Variants in GNA14 observed in about 807,000 individuals in gnomAD.
GNA14 encodes the protein G protein subunit alpha 14.
In GNA14, 50 loss-of-function variants were observed where a neutral mutation model predicts 42.0. The observed-to-expected ratio is 1.19, with a 90% CI of 0.95 to 1.51. GNA14 has a LOEUF of 1.51. Ranked by LOEUF, GNA14 falls within the 40% of genes most tolerant of loss-of-function variation. The pLI, the probability that GNA14 is intolerant of heterozygous loss-of-function variation, is 0.00. For missense variants in GNA14, 473 were observed against 446.2 expected, an observed-to-expected ratio of 1.06 and a Z score of -0.54; for synonymous variants, 173 against 163.1, an observed-to-expected ratio of 1.06 and a Z score of -0.46.
chr9:77,620,455 G>A (rs151025346), intron 1 of GNA14, among the ~76,000 whole-genome samples: 443 of 152,188 alleles, frequency 2.9e-3, no homozygotes, highest in African/African-American at 0.01. Flanking sequence ...TTAGAATTCC[G>A]GACAAAATAC....
intron 1 of GNA14, among the ~76,000 whole-genome samples, chr9:77,643,700 G>A (rs1025038641): frequency 9.2e-5 from 14 of 152,152 alleles, no homozygotes; most frequent in Non-Finnish European, 1.5e-4. Context: ...GTGTAAGCAG[G>A]AAGAGGAATT....
intron 2 of GNA14, among the ~76,000 whole-genome samples, chr9:77,493,967 C>G (rs1836828674): frequency 1.3e-5 from 2 of 152,296 alleles, no homozygotes; most frequent in South Asian, 4.1e-4. Context: ...GTCACCCAGG[C>G]TGAAGTGCAG....
intron 2 of GNA14, among the ~76,000 whole-genome samples, chr9:77,467,007 G>T (rs1836247845): frequency 7.8e-6 from 1 of 128,438 alleles, no homozygotes; most frequent in Non-Finnish European, 1.5e-5. Context: ...CTCGGTGTGT[G>T]TGTGTGTGTG....
At chr9:77,437,550 AAGAG>A (rs751271779) in intron 2 of GNA14, among the ~76,000 whole-genome samples, 2 of 145,042 alleles carry the variant, frequency 1.4e-5, no homozygotes, top group East Asian at 1.9e-4. Flanking sequence ...AAGAAAGAGA[AAGAG>A]AGAGAGAAAG....
intron 1 of GNA14, among the ~76,000 whole-genome samples, chr9:77,582,793 A>T (rs1823245127): frequency 6.6e-6 from 1 of 152,168 alleles, no homozygotes; most frequent in South Asian, 2.1e-4. Flanking sequence ...GTGCTTGCCT[A>T]ACATAGGTCT....
At chr9:77,647,195 G>T (rs1308166918) in intron 1 of GNA14, among the ~76,000 whole-genome samples, 1 of 152,278 alleles carries the variant, frequency 6.6e-6, no homozygotes, top group East Asian at 1.9e-4. Flanking sequence ...TCACCTGCCC[G>T]CATCACCAGG....
chr9:77,641,099 GGGAAGGAAGGAAGGAAGGAAGGAAGGAA>G (rs1157490493), intron 1 of GNA14, among the ~76,000 whole-genome samples: 55 of 6,296 alleles, frequency 8.7e-3, no homozygotes, highest in South Asian at 0.02. Context: ...GGGGAGGGGG[GGGAAGGAAGGAAGGAAGGAAGGAAGGAA>G]GGAAGGAAGG....
intron 2 of GNA14, among the ~76,000 whole-genome samples, chr9:77,470,760 T>C (rs981862678): frequency 5.9e-5 from 9 of 152,110 alleles, no homozygotes; most frequent in African/African-American, 1.7e-4. Flanking sequence ...ACAAGAAGCA[T>C]GGCTGGGAGG....
At chr9:77,607,905 T>C (rs558967768) in intron 1 of GNA14, among the ~76,000 whole-genome samples, 82 of 152,154 alleles carry the variant, frequency 5.4e-4, no homozygotes, top group Non-Finnish European at 1.1e-3. Flanking sequence ...TTAACCCTAA[T>C]TACTTCCTAA....
At chr9:77,528,958 G>A in intron 2 of GNA14, 111 bp downstream of exon 2, 1 of 904,154 alleles carries the variant, frequency 1.1e-6, no homozygotes, top group Non-Finnish European at 1.8e-6. Context: ...ACACCCCAGG[G>A]AACAAGAGCT....
At chr9:77,429,909 C>T (rs907522668) in intron 4 of GNA14, among the ~76,000 whole-genome samples, 1 of 151,866 alleles carries the variant, frequency 6.6e-6, no homozygotes, top group African/African-American at 2.4e-5. Flanking sequence ...GTAACCCCCA[C>T]CCACCCCTAC....
chr9:77,428,793 A>T, intron 5 of GNA14, 114 bp downstream of exon 5: 1 of 1,034,802 alleles, frequency 9.7e-7, no homozygotes, highest in Non-Finnish European at 1.4e-6. Flanking sequence ...CACTTTGAGT[A>T]GCAAGACTGT....
At chr9:77,428,721 C>G in intron 5 of GNA14, among the ~76,000 whole-genome samples, 186 bp downstream of exon 5, 1 of 152,198 alleles carries the variant, frequency 6.6e-6, no homozygotes, top group Non-Finnish European at 1.5e-5. Context: ...GGGGTTGATT[C>G]AGTAAGACTG....
chr9:77,528,522 G>A (rs1053129058), intron 2 of GNA14, among the ~76,000 whole-genome samples: 5 of 152,092 alleles, frequency 3.3e-5, no homozygotes, highest in African/African-American at 1.2e-4. Flanking sequence ...AAAGCAAATG[G>A]CAGCTTGACA....
chr9:77,554,560 C>T (rs183022107), intron 1 of GNA14, among the ~76,000 whole-genome samples: 4 of 152,244 alleles, frequency 2.6e-5, no homozygotes, highest in Admixed American at 2.6e-4. Context: ...TATTTTGATA[C>T]TAAAGTCATC....
At chr9:77,503,166 G>T (rs1416596017) in intron 2 of GNA14, among the ~76,000 whole-genome samples, 1 of 152,162 alleles carries the variant, frequency 6.6e-6, no homozygotes, top group African/African-American at 2.4e-5. Flanking sequence ...ATCTGGAAAA[G>T]TATGCCTACT....
intron 2 of GNA14, among the ~76,000 whole-genome samples, chr9:77,481,826 T>A (rs1380403900): frequency 6.6e-6 from 1 of 152,198 alleles, no homozygotes; most frequent in Non-Finnish European, 1.5e-5. Context: ...TCTCTTTTCA[T>A]CTTTGTTGGT....
intron 1 of GNA14, among the ~76,000 whole-genome samples, chr9:77,567,999 G>A (rs1201677329): frequency 6.6e-6 from 1 of 152,190 alleles, no homozygotes; most frequent in African/African-American, 2.4e-5. Flanking sequence ...TTGTTTTACA[G>A]AGGTAGGGAG....
rs115502670 is a variant in GNA14 at position 77,469,446 on chromosome 9, T to G, written c.310-34924A>C. On this transcript the variant is annotated intron_variant, in intron 2 of 6. Transcript: ENST00000341700. ...TTGTAGTTTTATACACTACTGTTATTGTTTGTGTCACCCTAAAATTAATTA... is the reference window on the plus strand; with the variant it reads ...TTGTAGTTTTATACACTACTGTTATGGTTTGTGTCACCCTAAAATTAATTA... 4.9e-3 allele frequency among the ~76,000 whole-genome samples: 740 copies of G among 151,608 alleles called. 11 individuals carry two copies. The highest frequency in any genetic ancestry group is 0.017 in the African/African-American group (708 of 41,288).
Sources: gnomAD v4.1 joint callset for allele counts (sites outside exome capture counted in the v4.1 genomes callset) on GRCh38, gnomAD v4.1.1 for gene constraint, MANE v1.5 for transcripts, NCBI Gene and HGNC (gene_info 2026-07-23, HGNC 2026-07-21) for gene names.